RBM27: variants seen among roughly 807,000 people sequenced by gnomAD.
RBM27 encodes RNA binding motif protein 27.
RBM27 carries 22 observed loss-of-function variants against 135.3 expected under a neutral mutation model. The observed-to-expected ratio is 0.16, with a 90% confidence interval of 0.12 to 0.23. The LOEUF (loss-of-function observed/expected upper bound fraction) is 0.23, where lower values mean the gene tolerates loss of function less well. RBM27 is among the 10% of genes least tolerant of loss of function. The pLI, the probability that RBM27 is intolerant of heterozygous loss-of-function variation, is 1.00. For missense variants in RBM27, 1,009 were observed against 1,281.0 expected (o/e 0.79, Z 3.24); for synonymous variants, 481 against 442.4 (o/e 1.09, Z -1.10).
chr5:146,254,817 G>A, intron 9 of RBM27, 126 bp from the exon 10 acceptor site: 2 of 816,070 alleles, frequency 2.5e-6, no homozygotes, highest in Non-Finnish European at 3.7e-6. Flanking sequence ...ACTGAGAGGT[G>A]ACTGTAGGTT....
Position 146,263,073 on chromosome 5 carries a change from G to A in RBM27, c.2191-418G>A, listed in dbSNP as rs575414270. On this transcript the variant is annotated intron_variant, in intron 13 of 20. Transcript: ENST00000265271. ...CAATTTTTGTATTTTTAGTAGAGAC[G>A]GGGTTTCACCATGTTGGCCAGGCTG... Among the ~76,000 whole-genome samples, 11 of 151,698 alleles carry A rather than the reference G, an allele frequency of 7.3e-5. No homozygotes were observed. The South Asian group carries it at 1.2e-3, about 17-fold the overall frequency.
At chr5:146,246,012 A>T (rs1757609138) in intron 8 of RBM27, among the ~76,000 whole-genome samples, 1 of 152,184 alleles carries the variant, frequency 6.6e-6, no homozygotes, top group South Asian at 2.1e-4. Context: ...ACAGATATTC[A>T]TCCAAAGAAG....
At position 146,269,473 on chromosome 5, in the gene RBM27, A is replaced by G; in HGVS notation, c.2580A>G (p.Ala860=). The G allele has an allele frequency of 1.3e-6, 2 of 1,574,190 alleles. No homozygotes were observed. Among genetic ancestry groups the G allele is most frequent in the South Asian group, 1.2e-5 (1 of 83,974 alleles). ...KNKNMKPEER[A]NIMKTLKELG... ...AAAACATGAAACCAGAAGAAAGAGC[A>G]AATATAATGAAGACTTTGAAAGAGC... Residue 860 remains alanine, a synonymous_variant, in exon 17 of 21, where the codon GCA becomes GCG. Transcript: ENST00000265271.
At chr5:146,268,978 A>G (rs1360340085) in intron 15 of RBM27, among the ~76,000 whole-genome samples, 1 of 152,194 alleles carries the variant, frequency 6.6e-6, no homozygotes, top group African/African-American at 2.4e-5. Flanking sequence ...AAGTCAATAA[A>G]TCTCATAGAT....
At chr5:146,271,117 T>G in intron 18 of RBM27, 59 bp downstream of exon 18, 1 of 1,354,714 alleles carries the variant, frequency 7.4e-7, no homozygotes, top group Non-Finnish European at 1.0e-6. Context: ...AAGTTTTCCT[T>G]TGACCGGGCG....
chr5:146,264,444 C>T (rs1443947928), intron 14 of RBM27, among the ~76,000 whole-genome samples: 1 of 152,078 alleles, frequency 6.6e-6, no homozygotes, highest in East Asian at 1.9e-4. Flanking sequence ...TGCTGGACTA[C>T]AGGCGTGAGC....
In RBM27 at chr5:146,237,385, G is replaced by GCA. The variant is rs746719160; in HGVS notation, c.1232_1233insCA (p.Arg411SerfsTer109). On this transcript the variant is annotated frameshift_variant, in exon 8 of 21. Coordinates refer to ENST00000265271, the MANE Select transcript of RBM27 (RefSeq NM_018989.2). LOFTEE classifies it high-confidence loss of function. ...CCCAATCTTGCATCAGTGGGAACAA[G>GCA]ACTACCTCCTCCTTTACCCCAGAAC... The GCA allele has an allele frequency of 6.8e-6, 11 of 1,613,948 alleles. No homozygotes were observed. Among genetic ancestry groups the GCA allele is most frequent in the Non-Finnish European group, 2.5e-6 (3 of 1,179,934 alleles).
At chr5:146,211,464 C>CTTTTTTTTTTTTTTTTTTTTTT (rs57117642) in intron 1 of RBM27, among the ~76,000 whole-genome samples, 5 of 49,930 alleles carry the variant, frequency 1.0e-4, no homozygotes, top group Non-Finnish European at 1.9e-4. Flanking sequence ...ATGGTCTTAT[C>CTTTTTTTTTTTTTTTTTTTTTT]TTTTTTTTTT....
In RBM27 at chr5:146,239,519, C is replaced by T. The variant is rs1490204572; in HGVS notation, c.1279+2087C>T. 1.3e-4 allele frequency among the ~76,000 whole-genome samples: 18 copies of T among 137,254 alleles called. 1 individual carries two copies. Among genetic ancestry groups the T allele is most frequent in the Admixed American group, 7.5e-4 (10 of 13,292 alleles). The allele number at this position is 137,254 out of a possible 152,430, so 90.0% of individuals were successfully genotyped here. ...TTGAGACAAAGTCTTGCTCTGTCAC[C>T]CAGGCTGGAGTACAGTGGTGCAATC... On this transcript the variant is annotated intron_variant, in intron 8 of 20. Coordinates refer to ENST00000265271, the MANE Select transcript of RBM27 (RefSeq NM_018989.2).
intron 19 of RBM27, among the ~76,000 whole-genome samples, chr5:146,278,072 T>C (rs951108055): frequency 1.3e-5 from 2 of 152,206 alleles, no homozygotes; most frequent in African/African-American, 2.4e-5. Context: ...CAGAATGTTG[T>C]ACTAATTTAT....
chr5:146,274,837 C>G (rs1349937262), intron 19 of RBM27, among the ~76,000 whole-genome samples: 1 of 151,748 alleles, frequency 6.6e-6, no homozygotes, highest in Non-Finnish European at 1.5e-5. Context: ...TAGTATGTAT[C>G]AGAGATCAGC....
At position 146,240,290 on chromosome 5, in the gene RBM27, T is replaced by TTCTGTCTGTCTGTCTG. The variant is rs574710950; in HGVS notation, c.1279+2861_1279+2862insGTCTGTCTGTCTGTCT. On this transcript the variant is annotated intron_variant, in intron 8 of 20. Transcript: ENST00000265271. ...ATACTTGGAAGACATGATTGCTGTTTTCTATCTGTCTGTCTGTCTGTCTGT... is the reference window on the plus strand; with the variant it reads ...ATACTTGGAAGACATGATTGCTGTTTTCTGTCTGTCTGTCTGTCTATCTGTCTGTCTGTCTGTCTGT... 5.5e-5 allele frequency among the ~76,000 whole-genome samples: 8 copies of TTCTGTCTGTCTGTCTG among 146,582 alleles called. No homozygotes were observed. The East Asian group carries it at 1.6e-3, about 29-fold the overall frequency.
intron 19 of RBM27, among the ~76,000 whole-genome samples, chr5:146,280,154 G>A (rs2126912115): frequency 6.6e-6 from 1 of 151,954 alleles, no homozygotes; most frequent in East Asian, 1.9e-4. Context: ...CACCTCCCAG[G>A]TTCAGGGATT....
chr5:146,225,771 G>T (rs1756646476), intron 3 of RBM27, among the ~76,000 whole-genome samples: 4 of 152,072 alleles, frequency 2.6e-5, no homozygotes, highest in African/African-American at 9.6e-5. Context: ...TCACCATATT[G>T]GCCAGGCTGG....
chr5:146,286,187 C>T lies in RBM27; in HGVS notation c.*157C>T, dbSNP rs931164393. ...GCAAGTTTGCTATTTAAACACATCT[C>T]ATAACTGTACATGATATTAAAGCAC... On this transcript the variant is annotated 3_prime_UTR_variant, in exon 21 of 21. Transcript: ENST00000265271. 7.0e-6 allele frequency: 4 copies of T among 572,834 alleles called. No individual in the cohort carries two copies. The highest frequency in any genetic ancestry group is 9.1e-6 in the Non-Finnish European group (3 of 330,652). 35.5% of individuals were successfully genotyped at this position (572,834 alleles called of 1,614,324 possible).
intron 2 of RBM27, among the ~76,000 whole-genome samples, chr5:146,222,706 G>A: frequency 6.6e-6 from 1 of 152,040 alleles, no homozygotes; most frequent in East Asian, 1.9e-4. Flanking sequence ...ACAAAAAAAA[G>A]CAGTATAAAT....
rs149210917 is a variant in RBM27 at position 146,217,118 on chromosome 5, C to T, written c.60-1867C>T. ...AGTAGATGGGACTACAGGTGCCAGC[C>T]ACCTTGCCTGGCTAATTTTTGTATT... On this transcript the variant is annotated intron_variant, in intron 1 of 20. Coordinates refer to ENST00000265271, the MANE Select transcript of RBM27 (RefSeq NM_018989.2). 4.9e-3 allele frequency among the ~76,000 whole-genome samples: 741 copies of T among 152,210 alleles called. 5 individuals are homozygous for T. Among genetic ancestry groups the T allele is most frequent in the African/African-American group, 0.017 (710 of 41,534 alleles).
chr5:146,251,557 G>A (rs894326343), intron 8 of RBM27, among the ~76,000 whole-genome samples, 154 bp from the exon 9 acceptor site: 1 of 152,038 alleles, frequency 6.6e-6, no homozygotes, highest in Non-Finnish European at 1.5e-5. Context: ...GTTCTTTCTT[G>A]AGTTAGAAAG....
At chr5:146,222,870 GGTTAA>G (rs1482410153) in intron 2 of RBM27, among the ~76,000 whole-genome samples, 1 of 151,724 alleles carries the variant, frequency 6.6e-6, no homozygotes, top group Non-Finnish European at 1.5e-5. Flanking sequence ...AAAAATTTTC[GGTTAA>G]GTTTTTTGAG....
Sources: allele counts gnomAD v4.1 joint callset (sites outside exome capture counted in the v4.1 genomes callset), GRCh38; gene constraint gnomAD v4.1.1; transcripts MANE v1.5; gene names NCBI Gene and HGNC (gene_info 2026-07-23, HGNC 2026-07-21).